Variants in CSTF2T observed in about 807,000 individuals in gnomAD.
CSTF2T encodes the protein cleavage stimulation factor subunit 2 tau variant.
CSTF2T carries 18 observed loss-of-function variants against 39.9 expected under a neutral mutation model. The ratio of observed to expected loss-of-function variants is 0.45; its 90% CI spans 0.31 to 0.67. The LOEUF (loss-of-function observed/expected upper bound fraction) is 0.67, where lower values mean the gene tolerates loss of function less well. Among genes scored for constraint, CSTF2T ranks in the 30% least tolerant of loss-of-function variants. CSTF2T has a pLI of 0.06. For missense variants in CSTF2T, 681 were observed against 789.0 expected (o/e 0.86, Z 1.64); for synonymous variants, 291 against 276.4 (o/e 1.05, Z -0.52).
rs768248166 is a variant in CSTF2T at position 51,699,556 on chromosome 10, G to T, written c.-7C>A. ...TCACCGCCAAACTCGACATGATTCC[G>T]GTTGTGCAGACAGCCGATAGCGGAT... On this transcript the variant is annotated 5_prime_UTR_variant, in exon 1 of 1. Coordinates refer to ENST00000331173, the MANE Select transcript of CSTF2T (RefSeq NM_015235.3). The T allele has an allele frequency of 6.9e-6, 11 of 1,603,814 alleles. No homozygotes were observed. In the African/African-American group the frequency reaches 1.1e-4, roughly 16 times the overall value.
chr10:51,697,647 C>T lies in CSTF2T; in HGVS notation c.*52G>A, dbSNP rs1273944264. 1.3e-6 allele frequency: 2 copies of T among 1,575,986 alleles called. No homozygotes were observed. Among genetic ancestry groups the T allele is most frequent in the East Asian group, 4.5e-5 (2 of 44,688 alleles). ...GAAGTCAGCTTTTTGCACCCATTCTCCATGCTACAGAATAAAATTTGAGAC... is the reference window on the plus strand; with the variant it reads ...GAAGTCAGCTTTTTGCACCCATTCTTCATGCTACAGAATAAAATTTGAGAC... On this transcript the variant is annotated 3_prime_UTR_variant, in exon 1 of 1. Transcript: ENST00000331173.
chr10:51,698,920 G>A lies in CSTF2T; in HGVS notation c.630C>T (p.Val210=). The A allele has an allele frequency of 1.2e-6, 2 of 1,614,186 alleles. No individual in the cohort carries two copies. The highest frequency in any genetic ancestry group is 1.7e-6 in the Non-Finnish European group (2 of 1,180,020). Reference sequence around the variant, plus strand: ...GGCCAGGGCCAGGGCCAGGGCCAGAGACAGACACAGACTGAGATTTGCCTG... The same window carrying A: ...GGCCAGGGCCAGGGCCAGGGCCAGAAACAGACACAGACTGAGATTTGCCTG... ...LIPGKSQSVS[V]SGPGPGPGPG... is the part of the protein sequence containing the mutation. The change falls in exon 1 of 1, where the codon GTC becomes GTT. Residue 210 remains valine, a synonymous_variant. Transcript: ENST00000331173.
chr10:51,698,892 C>T lies in CSTF2T; in HGVS notation c.658G>A (p.Gly220Arg). 6.2e-7 allele frequency: 1 copy of T among 1,611,390 alleles called. No homozygotes were observed. Among genetic ancestry groups the T allele is most frequent in the Non-Finnish European group, 8.5e-7 (1 of 1,178,130 alleles). ...AGAACATTAGGTCCTGGGCAGAGCC[C>T]AGGGCCAGGGCCAGGGCCAGGGCCA... Reference protein sequence around the residue: ...VSGPGPGPGPGLCPGPNVLLN... With the variant: ...VSGPGPGPGPRLCPGPNVLLN... Residue 220 changes from glycine (G) to arginine (R), a missense_variant, in exon 1 of 1, where the codon GGG becomes AGG. Physicochemically the swap from Gly to Arg is moderately radical, Grantham distance 125. Coordinates refer to ENST00000331173, the MANE Select transcript of CSTF2T (RefSeq NM_015235.3).
Position 51,698,232 on chromosome 10 carries a change from T to A in CSTF2T, c.1318A>T (p.Thr440Ser). ...ATCCCTCTGGTTTCCATCGCACAGG[T>A]CTCCATTCCTCTCCTCTCCATTACA... Reference protein sequence around the residue: ...TRVMERRGMETCAMETRGMEA... With the variant: ...TRVMERRGMESCAMETRGMEA... The change falls in exon 1 of 1, where the codon ACC (threonine) becomes TCC (serine). Residue 440 changes from threonine (T) to serine (S), a missense_variant. By Grantham distance (58) the Thr-to-Ser change is moderately conservative. Transcript: ENST00000331173. 6.2e-7 allele frequency: 1 copy of A among 1,614,076 alleles called. No homozygotes were observed. Among genetic ancestry groups the A allele is most frequent in the Non-Finnish European group, 8.5e-7 (1 of 1,180,014 alleles).
In CSTF2T at chr10:51,699,499, G is replaced by A; in HGVS notation, c.51C>T (p.Ser17=). 2 of 1,613,292 alleles carry A rather than the reference G, an allele frequency of 1.2e-6. No homozygotes were observed. The highest frequency in any genetic ancestry group is 1.7e-6 in the Non-Finnish European group (2 of 1,179,830). The change falls in exon 1 of 1, where the codon TCC becomes TCT. Residue 17 remains serine (S), a synonymous_variant. Coordinates refer to ENST00000331173, the MANE Select transcript of CSTF2T (RefSeq NM_015235.3). ...CATATGGAATGTTCCCCACGAACACGGAACGCAGTGATCGATCCATTGCCG... is the reference window on the plus strand; with the variant it reads ...CATATGGAATGTTCCCCACGAACACAGAACGCAGTGATCGATCCATTGCCG... ...RDPAMDRSLR[S]VFVGNIPYEA... is the part of the protein sequence containing the mutation.
rs772996942 is a variant in CSTF2T at position 51,698,324 on chromosome 10, C to G, written c.1226G>C (p.Gly409Ala). 1.7e-5 allele frequency: 28 copies of G among 1,614,064 alleles called. No homozygotes were observed. The African/African-American group carries it at 3.7e-4, about 22-fold the overall frequency. Reference sequence around the variant, plus strand: ...CGCTCGAGAATCTCTACCACCTCTACCATCCATAGGTAGACCCCTTTGATC... The same window carrying G: ...CGCTCGAGAATCTCTACCACCTCTAGCATCCATAGGTAGACCCCTTTGATC... Reference protein sequence around the residue: ...MIDQRGLPMDGRGGRDSRAME... With the variant: ...MIDQRGLPMDARGGRDSRAME... Residue 409 changes from glycine to alanine, a missense_variant, in exon 1 of 1, where the codon GGT becomes GCT. Gly to Ala is a moderately conservative substitution (Grantham distance 60, BLOSUM62 0). Around this residue, in one of 4 missense-constraint regions of CSTF2T, gnomAD observed 282 missense variants for 289.2 expected, o/e 0.98. Coordinates refer to ENST00000331173, the MANE Select transcript of CSTF2T (RefSeq NM_015235.3).
chr10:51,698,022 C>A lies in CSTF2T; in HGVS notation c.1528G>T (p.Gly510Cys), dbSNP rs1339985952. 6.2e-7 allele frequency: 1 copy of A among 1,613,908 alleles called. No homozygotes were observed. The highest frequency in any genetic ancestry group is 1.7e-5 in the Admixed American group (1 of 59,984). ...GVGNPGAGMQ[G>C]TGIQGTGMQG... is the part of the protein sequence containing the mutation. ...ATGCCTGTTCCTTGTATGCCTGTACCCTGCATACCAGCTCCAGGATTCCCC... is the reference window on the plus strand; with the variant it reads ...ATGCCTGTTCCTTGTATGCCTGTACACTGCATACCAGCTCCAGGATTCCCC... Residue 510 changes from glycine (G) to cysteine (C), a missense_variant, in exon 1 of 1, where the codon GGT becomes TGT. By Grantham distance (159) the Gly-to-Cys change is radical (BLOSUM62 -3). Coordinates refer to ENST00000331173, the MANE Select transcript of CSTF2T (RefSeq NM_015235.3).
Position 51,698,479 on chromosome 10 carries a change from T to C in CSTF2T, c.1071A>G (p.Pro357=), listed in dbSNP as rs1165299773. ...GEVEPRGYLG[P]PHQGPPMHHA... ...GATGCATGGGGGGACCCTGATGGGGTGGACCCAGATAACCTCTGGGCTCCA... is the reference window on the plus strand; with the variant it reads ...GATGCATGGGGGGACCCTGATGGGGCGGACCCAGATAACCTCTGGGCTCCA... Residue 357 remains proline, a synonymous_variant, in exon 1 of 1, where the codon CCA becomes CCG. Coordinates refer to ENST00000331173, the MANE Select transcript of CSTF2T (RefSeq NM_015235.3). 6.2e-7 allele frequency: 1 copy of C among 1,613,598 alleles called. No individual in the cohort carries two copies.
At position 51,698,425 on chromosome 10, in the gene CSTF2T, A is replaced by C; in HGVS notation, c.1125T>G (p.Pro375=). ...HHASGHDTRG[P]SSHEMRGGPL... is the part of the protein sequence containing the mutation. ...GCCCTCCCCTCATCTCATGTGAGGA[A>C]GGGCCACGAGTGTCATGACCAGAGG... Residue 375 remains proline (P), a synonymous_variant, in exon 1 of 1, where the codon CCT becomes CCG. Coordinates refer to ENST00000331173, the MANE Select transcript of CSTF2T (RefSeq NM_015235.3). 1 of 1,613,722 alleles carries C rather than the reference A, an allele frequency of 6.2e-7. No individual in the cohort carries two copies. Among genetic ancestry groups the C allele is most frequent in the Non-Finnish European group, 8.5e-7 (1 of 1,179,986 alleles).
Position 51,698,110 on chromosome 10 carries a change from G to A in CSTF2T, c.1440C>T (p.Pro480=). 6.2e-7 allele frequency: 1 copy of A among 1,614,048 alleles called. No individual in the cohort carries two copies. Among genetic ancestry groups the A allele is most frequent in the South Asian group, 1.1e-5 (1 of 91,084 alleles). ...PMTGGIQGPG[P]INIGAGGPPQ... is the part of the protein sequence containing the mutation. ...GAGGGCCACCTGCCCCTATATTAAT[G>A]GGACCAGGACCCTGAATTCCACCAG... The change falls in exon 1 of 1, where the codon CCC becomes CCT. Residue 480 remains proline, a synonymous_variant. Coordinates refer to ENST00000331173, the MANE Select transcript of CSTF2T (RefSeq NM_015235.3).
Position 51,698,473 on chromosome 10 carries a change from A to G in CSTF2T, c.1077T>C (p.His359=). The G allele has an allele frequency of 1.2e-6, 2 of 1,614,056 alleles. No individual in the cohort carries two copies. Among genetic ancestry groups the G allele is most frequent in the Non-Finnish European group, 1.7e-6 (2 of 1,180,008 alleles). ...AGGCATGATGCATGGGGGGACCCTG[A>G]TGGGGTGGACCCAGATAACCTCTGG... ...VEPRGYLGPP[H]QGPPMHHASG... is the part of the protein sequence containing the mutation. The change falls in exon 1 of 1, where the codon CAT becomes CAC. Residue 359 remains histidine (H), a synonymous_variant. Coordinates refer to ENST00000331173, the MANE Select transcript of CSTF2T (RefSeq NM_015235.3).
chr10:51,697,300 A>T lies in CSTF2T; in HGVS notation c.*399T>A, dbSNP rs1236063386. The T allele has an allele frequency of 6.1e-6, 1 of 164,400 alleles. No homozygotes were observed. 10.2% of individuals were successfully genotyped at this position (164,400 alleles called of 1,614,324 possible). A position where few individuals can be genotyped will look rare whatever the true frequency, so the allele number is the denominator to read the frequency against. The stretch of plus-strand genomic sequence containing the variant: ...ATTTTGTTATACAACCAAAAATCTT[A>T]AAACTATCTTAGTACATTAACGTTT... On this transcript the variant is annotated 3_prime_UTR_variant, in exon 1 of 1. Transcript: ENST00000331173.
chr10:51,696,691 C>T lies in CSTF2T; in HGVS notation c.*1008G>A, dbSNP rs1018257406. The T allele has an allele frequency of 1.3e-5, 2 of 150,518 alleles. No individual in the cohort carries two copies. The highest frequency in any genetic ancestry group is 1.3e-4 in the Admixed American group (2 of 15,096). 9.3% of individuals were successfully genotyped at this position (150,518 alleles called of 1,614,324 possible). A position where few individuals can be genotyped will look rare whatever the true frequency, so the allele number is the denominator to read the frequency against. ...TAACATAACTTTAGAAAAAACAATT[C>T]TAATACAAGTTAACTCCTGTCTGGT... On this transcript the variant is annotated 3_prime_UTR_variant, in exon 1 of 1. Transcript: ENST00000331173.
chr10:51,696,671 T>C lies in CSTF2T; in HGVS notation c.*1028A>G, dbSNP rs1170928961. 3.3e-5 allele frequency: 5 copies of C among 151,014 alleles called. No individual in the cohort carries two copies. Among genetic ancestry groups the C allele is most frequent in the Non-Finnish European group, 7.4e-5 (5 of 67,776 alleles). The allele number at this position is 151,014 out of a possible 1,614,324, so 9.4% of individuals were successfully genotyped here. ...GCAGTCCTTAATTTCTCAGGTAACATAACTTTAGAAAAAACAATTCTAATA... is the reference window on the plus strand; with the variant it reads ...GCAGTCCTTAATTTCTCAGGTAACACAACTTTAGAAAAAACAATTCTAATA... On this transcript the variant is annotated 3_prime_UTR_variant, in exon 1 of 1. Coordinates refer to ENST00000331173, the MANE Select transcript of CSTF2T (RefSeq NM_015235.3).
chr10:51,697,607 A>C lies in CSTF2T; in HGVS notation c.*92T>G, dbSNP rs1043087392. The C allele has an allele frequency of 3.1e-5, 37 of 1,212,324 alleles. 1 individual carries two copies. The highest frequency in any genetic ancestry group is 1.8e-5 in the Non-Finnish European group (15 of 847,732). 75.1% of individuals were successfully genotyped at this position (1,212,324 alleles called of 1,614,324 possible). On this transcript the variant is annotated 3_prime_UTR_variant, in exon 1 of 1. Coordinates refer to ENST00000331173, the MANE Select transcript of CSTF2T (RefSeq NM_015235.3). The stretch of plus-strand genomic sequence containing the variant: ...TCTAGGAGGAGGGAAACCCTAATCC[A>C]AGTGTGGGGATACAGAAGTCAGCTT...
In CSTF2T at chr10:51,699,350, TG is replaced by T; in HGVS notation, c.199del (p.Gln67ArgfsTer35). On this transcript the variant is annotated frameshift_variant, in exon 1 of 1. Coordinates refer to ENST00000331173, the MANE Select transcript of CSTF2T (RefSeq NM_015235.3). LOFTEE classifies it high-confidence loss of function. ...KGYGFCEYQDQETALSAMRNL... is the reference protein window; with the variant it reads ...KGYGFCEYQDXETALSAMRNL... The stretch of plus-strand genomic sequence containing the variant: ...CCGCATGGCACTAAGCGCGGTCTCC[TG>T]GTCTTGGTATTCGCAGAAGCCATAG... 6.2e-7 allele frequency: 1 copy of T among 1,614,148 alleles called. No homozygotes were observed. The highest frequency in any genetic ancestry group is 8.5e-7 in the Non-Finnish European group (1 of 1,180,032).
chr10:51,699,580 A>G lies in CSTF2T; in HGVS notation c.-31T>C. ...CGGTTGTGCAGACAGCCGATAGCGG[A>G]TTCTTCGAGGCGTCTGTCCTCTTGC... On this transcript the variant is annotated 5_prime_UTR_variant, in exon 1 of 1. Coordinates refer to ENST00000331173, the MANE Select transcript of CSTF2T (RefSeq NM_015235.3). 6.3e-7 allele frequency: 1 copy of G among 1,582,264 alleles called. No homozygotes were observed. The highest frequency in any genetic ancestry group is 8.6e-7 in the Non-Finnish European group (1 of 1,164,674).
rs1336509665 is a variant in CSTF2T at position 51,696,149 on chromosome 10, G to T, written c.*1550C>A. 1.3e-5 allele frequency: 2 copies of T among 152,042 alleles called. No individual in the cohort carries two copies. Among genetic ancestry groups the T allele is most frequent in the Non-Finnish European group, 2.9e-5 (2 of 68,016 alleles). 9.4% of individuals were successfully genotyped at this position (152,042 alleles called of 1,614,324 possible). ...AGCAGTAAGTCAAGTGAGTATTCAG[G>T]CTATATAAAAACTTCTACCTACCTG... On this transcript the variant is annotated 3_prime_UTR_variant, in exon 1 of 1. Coordinates refer to ENST00000331173, the MANE Select transcript of CSTF2T (RefSeq NM_015235.3).
At position 51,697,392 on chromosome 10, in the gene CSTF2T, A is replaced by G. The variant is rs1841323630; in HGVS notation, c.*307T>C. On this transcript the variant is annotated 3_prime_UTR_variant, in exon 1 of 1. Transcript: ENST00000331173. ...GTTTTACTCGACATTTAAAAAATGTAGTTAACATACTGTAGATGCTTCAAT... is the reference window on the plus strand; with the variant it reads ...GTTTTACTCGACATTTAAAAAATGTGGTTAACATACTGTAGATGCTTCAAT... 6.9e-6 allele frequency: 2 copies of G among 290,738 alleles called. No homozygotes were observed. The highest frequency in any genetic ancestry group is 1.3e-5 in the Non-Finnish European group (2 of 157,154). The allele number at this position is 290,738 out of a possible 1,614,324, so 18.0% of individuals were successfully genotyped here.
Sources: gnomAD v4.1 joint callset for allele counts on GRCh38, gnomAD v4.1.1 for gene constraint, gnomAD v4.1.1 regional missense constraint, MANE v1.5 for transcripts, NCBI Gene and HGNC (gene_info 2026-07-23, HGNC 2026-07-21) for gene names.